The following SPATS2L variants were observed in gnomAD, a reference collection of about 807,000 sequenced individuals.
The protein encoded by SPATS2L is spermatogenesis associated serine rich 2 like, also known as SPATS2-like protein.
A neutral mutation model predicts 59.6 loss-of-function variants in SPATS2L; 30 were observed. The ratio of observed to expected loss-of-function variants is 0.50; its 90% CI spans 0.38 to 0.68. The LOEUF is 0.68. Among genes scored for constraint, SPATS2L ranks in the 30% least tolerant of loss-of-function variants. SPATS2L has a pLI of 0.00. For missense variants in SPATS2L, 615 were observed against 700.0 expected, an observed-to-expected ratio of 0.88 and a Z score of 1.37; for synonymous variants, 252 against 263.5, an observed-to-expected ratio of 0.96 and a Z score of 0.42.
At chr2:200,374,983 T>C (rs1390468310) in intron 2 of SPATS2L, among the ~76,000 whole-genome samples, 1 of 152,252 alleles carries the variant, frequency 6.6e-6, no homozygotes, top group African/African-American at 2.4e-5. Flanking sequence ...TTGCTAATGC[T>C]TGTACACCAT....
At position 200,467,378 on chromosome 2, in the gene SPATS2L, C is replaced by T. The variant is rs375135835; in HGVS notation, c.936C>T (p.Ala312=). The T allele has an allele frequency of 6.8e-5, 110 of 1,613,570 alleles. No individual in the cohort carries two copies. In the African/African-American group the frequency reaches 1.1e-3, roughly 15 times the overall value. ...GTCAGATGGCAGAGATGCAGCTGGC[C>T]GAACTCAGGGCAGAAATTAAGGTCA... The part of the protein sequence containing the change: ...LASQMAEMQL[A]ELRAEIKHFV... Residue 312 remains alanine, a synonymous_variant, in exon 10 of 13, where the codon GCC becomes GCT. Coordinates refer to ENST00000409140, the MANE Select transcript of SPATS2L (RefSeq NM_001100423.2).
intron 2 of SPATS2L, among the ~76,000 whole-genome samples, chr2:200,345,870 C>T (rs750064433): frequency 3.9e-5 from 6 of 152,164 alleles, no homozygotes; most frequent in Non-Finnish European, 7.4e-5. Flanking sequence ...GAGAGCTGCT[C>T]AGTGTTTCAG....
At chr2:200,376,604 G>A (rs969456858) in intron 2 of SPATS2L, among the ~76,000 whole-genome samples, 26 of 152,216 alleles carry the variant, frequency 1.7e-4, no homozygotes, top group Non-Finnish European at 7.3e-5. Context: ...ATTTGGTCAC[G>A]AAAGCACTGA....
intron 11 of SPATS2L, among the ~76,000 whole-genome samples, chr2:200,471,352 A>G (rs1383925777): frequency 6.6e-6 from 1 of 152,108 alleles, no homozygotes; most frequent in African/African-American, 2.4e-5. Flanking sequence ...AAAAAAGGGA[A>G]CTGCCCACCC....
rs182414465 is a variant in SPATS2L, at chr2:200,350,324, G to C, written c.-23+20844G>C. Among the ~76,000 whole-genome samples the C allele has an allele frequency of 1.2e-3, 185 of 152,160 alleles. 2 individuals are homozygous for C. Among genetic ancestry groups the C allele is most frequent in the Non-Finnish European group, 2.6e-4 (18 of 67,996 alleles). On this transcript the variant is annotated intron_variant, in intron 2 of 12. Transcript: ENST00000409140. The stretch of plus-strand genomic sequence containing the variant: ...TTCTGAATGGTTGTGTCATGCCTCA[G>C]CCATTTTTGTCTCATCTTCTCATTT...
chr2:200,467,278 C>T lies in SPATS2L; in HGVS notation c.848-12C>T. 6.3e-7 allele frequency: 1 copy of T among 1,589,086 alleles called. No individual in the cohort carries two copies. Among genetic ancestry groups the T allele is most frequent in the Non-Finnish European group, 8.6e-7 (1 of 1,157,342 alleles). On this transcript the variant is annotated splice_polypyrimidine_tract_variant and intron_variant, in intron 9 of 12. Transcript: ENST00000409140. ...CTCTGGCCCTAATGTATGACTCCTC[C>T]TTATTTGGCAGTGGAAATCCTGACT...
intron 2 of SPATS2L, among the ~76,000 whole-genome samples, chr2:200,344,893 C>A (rs1351398794): frequency 6.6e-6 from 1 of 151,988 alleles, no homozygotes; most frequent in Non-Finnish European, 1.5e-5. Context: ...TGTTCATATC[C>A]TTCGCCCACT....
intron 2 of SPATS2L, among the ~76,000 whole-genome samples, chr2:200,340,153 C>G (rs1559051288): frequency 6.6e-6 from 1 of 152,206 alleles, no homozygotes; most frequent in African/African-American, 2.4e-5. Context: ...TAGAAAAGGG[C>G]TGAGCAATCG....
intron 3 of SPATS2L, among the ~76,000 whole-genome samples, chr2:200,403,661 C>T (rs2082601352): frequency 6.6e-6 from 1 of 152,164 alleles, no homozygotes; most frequent in African/African-American, 2.4e-5. Flanking sequence ...GTTTCTGAGC[C>T]CTAAAATCTA....
intron 6 of SPATS2L, among the ~76,000 whole-genome samples, chr2:200,430,701 G>A (rs563985403): frequency 2.8e-4 from 42 of 148,618 alleles, no homozygotes; most frequent in Admixed American, 2.5e-3. Flanking sequence ...ACTGTTGTCC[G>A]TGTGAATTGT....
chr2:200,428,055 G>A (rs1406698317), intron 6 of SPATS2L, among the ~76,000 whole-genome samples: 1 of 147,336 alleles, frequency 6.8e-6, no homozygotes, highest in East Asian at 2.0e-4. Flanking sequence ...GGGTGACAGC[G>A]AGACCGTGTC....
chr2:200,334,519 A>G (rs1471824045), intron 2 of SPATS2L, among the ~76,000 whole-genome samples: 1 of 151,746 alleles, frequency 6.6e-6, no homozygotes, highest in Non-Finnish European at 1.5e-5. Flanking sequence ...TAGTTTAATT[A>G]GATCCCATTT....
At chr2:200,360,576 G>A (rs1433228523) in intron 2 of SPATS2L, among the ~76,000 whole-genome samples, 1 of 152,182 alleles carries the variant, frequency 6.6e-6, no homozygotes, top group African/African-American at 2.4e-5. Flanking sequence ...AGAGGAAGGG[G>A]GGTTACCCTG....
intron 2 of SPATS2L, among the ~76,000 whole-genome samples, chr2:200,380,190 C>T (rs2081756513): frequency 6.6e-6 from 1 of 152,196 alleles, no homozygotes; most frequent in African/African-American, 2.4e-5. Flanking sequence ...TTTATTTTAG[C>T]TGTCCTTTGC....
chr2:200,320,515 T>C (rs567609193), intron 1 of SPATS2L, among the ~76,000 whole-genome samples: 1 of 152,296 alleles, frequency 6.6e-6, no homozygotes, highest in South Asian at 2.1e-4. Flanking sequence ...TAGGTGTCAC[T>C]CCAGCACATC....
intron 2 of SPATS2L, among the ~76,000 whole-genome samples, chr2:200,349,263 A>G (rs2105839562): frequency 6.6e-6 from 1 of 152,098 alleles, no homozygotes; most frequent in Non-Finnish European, 1.5e-5. Context: ...GCAGGACCCT[A>G]GGGTCATAAG....
At position 200,419,498 on chromosome 2, in the gene SPATS2L, T is replaced by C; in HGVS notation, c.445+2T>C. 1 of 1,613,422 alleles carries C rather than the reference T, an allele frequency of 6.2e-7. No homozygotes were observed. The highest frequency in any genetic ancestry group is 8.5e-7 in the Non-Finnish European group (1 of 1,179,584). On this transcript the variant is annotated splice_donor_variant, in intron 6 of 12. Coordinates refer to ENST00000409140, the MANE Select transcript of SPATS2L (RefSeq NM_001100423.2). LOFTEE classifies it high-confidence loss of function. ...CAAAGGCACTTCGTGGGGTCACAGG[T>C]CAGTAATGCTTAAGTAAAATTGCTT...
intron 10 of SPATS2L, 127 bp from the exon 11 acceptor site, chr2:200,469,787 G>C (rs1450938121): frequency 2.9e-6 from 2 of 684,514 alleles, no homozygotes; most frequent in African/African-American, 3.6e-5. Context: ...CCAGCAACAG[G>C]GCTGGAAAGA....
At chr2:200,460,090 A>C (rs1288775908) in intron 9 of SPATS2L, among the ~76,000 whole-genome samples, 1 of 152,220 alleles carries the variant, frequency 6.6e-6, no homozygotes, top group Non-Finnish European at 1.5e-5. Flanking sequence ...AATAGGTGTC[A>C]GTTGAGTTTT....
Sources: allele counts gnomAD v4.1 joint callset (sites outside exome capture counted in the v4.1 genomes callset), GRCh38; gene constraint gnomAD v4.1.1; transcripts MANE v1.5; gene names NCBI Gene and HGNC (gene_info 2026-07-23, HGNC 2026-07-21).